ROS1: variants seen among roughly 807,000 people sequenced by gnomAD.
ROS1 encodes the protein ROS proto-oncogene 1, receptor tyrosine kinase.
In ROS1, 263 loss-of-function variants were observed where a neutral mutation model predicts 273.5. The ratio of observed to expected loss-of-function variants is 0.96; its 90% confidence interval spans 0.87 to 1.06. ROS1 has a LOEUF of 1.06. Among genes scored for constraint, ROS1 ranks in the 50% least tolerant of loss-of-function variants. ROS1 has a pLI of 0.00. For missense variants in ROS1, 2,833 were observed against 2,751.1 expected (o/e 1.03, Z -0.67); for synonymous variants, 1,008 against 954.1 (o/e 1.06, Z -1.04).
intron 1 of ROS1, among the ~76,000 whole-genome samples, chr6:117,419,937 A>C (rs997172813): frequency 6.6e-6 from 1 of 152,026 alleles, no homozygotes; most frequent in Non-Finnish European, 1.5e-5. Flanking sequence ...AGATTTTGTC[A>C]ACACTCTTCC....
intron 43 of ROS1, among the ~76,000 whole-genome samples, chr6:117,295,122 G>A (rs1774124581): frequency 6.6e-6 from 1 of 151,842 alleles, no homozygotes; most frequent in Admixed American, 6.6e-5. Flanking sequence ...ATAGATCAAA[G>A]GTACATATAC....
At chr6:117,417,219 A>G (rs1307125529) in intron 2 of ROS1, among the ~76,000 whole-genome samples, 1 of 152,108 alleles carries the variant, frequency 6.6e-6, no homozygotes, top group Non-Finnish European at 1.5e-5. Context: ...GTGGAATTCA[A>G]TTCCTTACTT....
At chr6:117,290,289 C>A (rs1490492626) in intron 43 of ROS1, among the ~76,000 whole-genome samples, 1 of 152,132 alleles carries the variant, frequency 6.6e-6, no homozygotes, top group Non-Finnish European at 1.5e-5. Context: ...AAATCATTAG[C>A]TAACTACTTT....
At chr6:117,375,193 T>C (rs1781212791) in intron 18 of ROS1, among the ~76,000 whole-genome samples, 2 of 152,168 alleles carry the variant, frequency 1.3e-5, no homozygotes, top group Non-Finnish European at 2.9e-5. Flanking sequence ...TAACCAGGAA[T>C]GGAAAACCAA....
intron 7 of ROS1, among the ~76,000 whole-genome samples, chr6:117,402,193 C>G: frequency 6.6e-6 from 1 of 152,208 alleles, no homozygotes; most frequent in Non-Finnish European, 1.5e-5. Context: ...CCCCATCTCT[C>G]TGACCTTAGC....
intron 15 of ROS1, among the ~76,000 whole-genome samples, chr6:117,386,618 G>C (rs1217767124): frequency 6.6e-6 from 1 of 152,198 alleles, no homozygotes; most frequent in Non-Finnish European, 1.5e-5. Flanking sequence ...AGATGGCATT[G>C]GTAGATTAAT....
rs577629463 is a variant in ROS1, at chr6:117,337,297, T to A, written c.5105A>T (p.Gln1702Leu). Residue 1702 changes from glutamine (Q) to leucine (L), a missense_variant, in exon 32 of 44, where the codon CAA becomes CTA. Physicochemically the swap from Gln to Leu is moderately radical, Grantham distance 113 (BLOSUM62 -2). Transcript: ENST00000368507. The part of the protein sequence containing the change: ...EFYHVKTSCS[Q>L]GPAYVCNITN... ...GATATTACAGACATAAGCAGGACCTTGGCTGCATGAAGTTTTAACATGGTA... is the reference window on the plus strand; with the variant it reads ...GATATTACAGACATAAGCAGGACCTAGGCTGCATGAAGTTTTAACATGGTA... 8.7e-6 allele frequency: 14 copies of A among 1,612,004 alleles called. No individual in the cohort carries two copies. The East Asian group carries it at 8.9e-5, about 10-fold the overall frequency.
At chr6:117,369,962 C>T (rs1562326100) in intron 18 of ROS1, among the ~76,000 whole-genome samples, 1 of 151,824 alleles carries the variant, frequency 6.6e-6, no homozygotes, top group Non-Finnish European at 1.5e-5. Context: ...TGCATATACA[C>T]ATATGTATAT....
intron 34 of ROS1, among the ~76,000 whole-genome samples, 156 bp from the exon 35 acceptor site, chr6:117,324,571 A>G (rs1168802417): frequency 6.6e-6 from 1 of 152,136 alleles, no homozygotes; most frequent in Non-Finnish European, 1.5e-5. Flanking sequence ...GCATCCATAC[A>G]GACAGTGTTT....
intron 43 of ROS1, among the ~76,000 whole-genome samples, chr6:117,290,300 A>G (rs1038982622): frequency 6.6e-6 from 1 of 152,180 alleles, no homozygotes; most frequent in African/African-American, 2.4e-5. Flanking sequence ...TAACTACTTT[A>G]TTGGTTTATA....
Position 117,425,746 on chromosome 6 carries a change from G to A in ROS1, c.-90C>T, listed in dbSNP as rs1407820177. On this transcript the variant is annotated 5_prime_UTR_variant, in exon 1 of 44. Coordinates refer to ENST00000368507, the MANE Select transcript of ROS1 (RefSeq NM_001378902.1). ...TTTGGGCTTCATCACTTCAATTGGAGGAGTAGCTGATGGATTTTGCTTTGT... is the reference window on the plus strand; with the variant it reads ...TTTGGGCTTCATCACTTCAATTGGAAGAGTAGCTGATGGATTTTGCTTTGT... The A allele has an allele frequency of 3.6e-6, 5 of 1,385,124 alleles. No homozygotes were observed. The African/African-American group carries it at 4.3e-5, about 12-fold the overall frequency. The allele number at this position is 1,385,124 out of a possible 1,614,324, so 85.8% of individuals were successfully genotyped here.
chr6:117,312,780 C>T (rs1775640184), intron 39 of ROS1, among the ~76,000 whole-genome samples: 1 of 152,132 alleles, frequency 6.6e-6, no homozygotes, highest in South Asian at 2.1e-4. Context: ...CTACTCTGGA[C>T]TACCACCTGT....
Position 117,424,190 on chromosome 6 carries a change from T to C in ROS1, c.123+1344A>G, listed in dbSNP as rs1199581684. 1.3e-5 allele frequency among the ~76,000 whole-genome samples: 2 copies of C among 152,156 alleles called. 1 individual carries two copies. Among genetic ancestry groups the C allele is most frequent in the Non-Finnish European group, 2.9e-5 (2 of 68,026 alleles). On this transcript the variant is annotated intron_variant, in intron 1 of 43. Coordinates refer to ENST00000368507, the MANE Select transcript of ROS1 (RefSeq NM_001378902.1). ...AAATTATGGTGGTACATTCATATAA[T>C]GGAATACTCTAAAGATAATAAAGAT...
intron 18 of ROS1, among the ~76,000 whole-genome samples, chr6:117,367,461 C>T (rs375072345): frequency 6.6e-6 from 1 of 152,206 alleles, no homozygotes; most frequent in East Asian, 1.9e-4. Context: ...CCTGTGTGGG[C>T]ACCCTTCTAG....
intron 19 of ROS1, 58 bp downstream of exon 19, chr6:117,366,018 A>T: frequency 7.3e-7 from 1 of 1,369,982 alleles, no homozygotes; most frequent in Non-Finnish European, 1.0e-6. Flanking sequence ...TCCCAACCTA[A>T]ACATTTATTT....
chr6:117,323,641 G>GAT (rs1776437240), intron 35 of ROS1, among the ~76,000 whole-genome samples: 1 of 152,102 alleles, frequency 6.6e-6, no homozygotes, highest in African/African-American at 2.4e-5. Flanking sequence ...TGATCACTGT[G>GAT]ATAACTCTAA....
chr6:117,417,338 C>G (rs962614593), intron 2 of ROS1, among the ~76,000 whole-genome samples: 4 of 152,108 alleles, frequency 2.6e-5, no homozygotes, highest in African/African-American at 9.7e-5. Flanking sequence ...CCCACTCTCC[C>G]CTCTCATGGA....
Position 117,393,308 on chromosome 6 carries a change from T to C in ROS1, c.1205A>G (p.Asp402Gly). The C allele has an allele frequency of 6.2e-7, 1 of 1,607,456 alleles. No homozygotes were observed. Among genetic ancestry groups the C allele is most frequent in the Non-Finnish European group, 8.5e-7 (1 of 1,174,520 alleles). ...CTCGATGTTTGAGCAGTTCTCTAAA[T>C]CACAGACACATACCTAAAAAAATAA... The part of the protein sequence containing the change: ...FIMDELVCVC[D>G]LENCSNIEEI... Residue 402 changes from aspartate to glycine, a missense_variant, in exon 12 of 44, where the codon GAT becomes GGT. Transcript: ENST00000368507.
At chr6:117,309,113 G>T (rs540297829) in intron 41 of ROS1, among the ~76,000 whole-genome samples, 185 bp from the exon 42 acceptor site, 136 of 152,242 alleles carry the variant, frequency 8.9e-4, no homozygotes, top group Non-Finnish European at 1.5e-3. Flanking sequence ...AAGACACTGC[G>T]TATGAGCAAA....
Sources: gnomAD v4.1 joint callset for allele counts (sites outside exome capture counted in the v4.1 genomes callset) on GRCh38, gnomAD v4.1.1 for gene constraint, MANE v1.5 for transcripts, NCBI Gene and HGNC (gene_info 2026-07-23, HGNC 2026-07-21) for gene names.